The following SVIL variants were observed in gnomAD, a reference collection of about 807,000 sequenced individuals.
SVIL encodes supervillin, also known as archvillin.
A neutral mutation model predicts 240.4 loss-of-function variants in SVIL; 101 were observed. That is an observed-to-expected ratio of 0.42 (90% CI 0.36 to 0.50). SVIL has a LOEUF of 0.50. SVIL is among the 20% of genes least tolerant of loss of function. The pLI is 0.01. For missense variants in SVIL, 2,512 were observed against 2,818.7 expected, an observed-to-expected ratio of 0.89 and a Z score of 2.46; for synonymous variants, 999 against 1,100.0, an observed-to-expected ratio of 0.91 and a Z score of 1.82.
rs372403292 is a variant in SVIL, at chr10:29,486,075, C to T, written c.4779+10G>A. ...GTTTCTCACTGAAGGGCAGAGCCCA[C>T]GGACTGTACCTCTTTGGGTTGCAGA... On this transcript the variant is annotated intron_variant, in intron 26 of 37. Coordinates refer to ENST00000355867, the MANE Select transcript of SVIL (RefSeq NM_021738.3). 9.2e-5 allele frequency: 149 copies of T among 1,614,022 alleles called. 2 individuals carry two copies. Among genetic ancestry groups the T allele is most frequent in the South Asian group, 8.1e-4 (74 of 91,086 alleles).
At chr10:29,621,156 G>A (rs563839656) in intron 1 of SVIL, among the ~76,000 whole-genome samples, 21 of 152,140 alleles carry the variant, frequency 1.4e-4, no homozygotes, top group African/African-American at 5.1e-4. Flanking sequence ...GTAAGAATCA[G>A]GTAAATCTTG....
At position 29,490,865 on chromosome 10, in the gene SVIL, G is replaced by C; in HGVS notation, c.4174C>G (p.Arg1392Gly). 6 of 1,613,848 alleles carry C rather than the reference G, an allele frequency of 3.7e-6. No homozygotes were observed. The highest frequency in any genetic ancestry group is 5.1e-6 in the Non-Finnish European group (6 of 1,179,806). The stretch of plus-strand genomic sequence containing the variant: ...TACTCACTCTTTTCTACTTTCATCC[G>C]CTTTGACTCCATGAAGGCAACGTTT... ...RLNVAFMESK[R>G]MKVEKMSSNS... Residue 1392 changes from arginine to glycine, a missense_variant, in exon 22 of 38, where the codon CGG becomes GGG. By Grantham distance (125) the Arg-to-Gly change is moderately radical. This residue lies in a region of SVIL where 272 missense variants were observed against 406.8 expected (regional missense o/e 0.67). Transcript: ENST00000355867.
intron 1 of SVIL, among the ~76,000 whole-genome samples, chr10:29,628,625 C>T (rs142387079): frequency 8.9e-4 from 135 of 152,222 alleles, no homozygotes; most frequent in African/African-American, 3.1e-3. Context: ...CGCCCAGAAC[C>T]GAATTGTTCT....
rs138989957 is a variant in SVIL at position 29,723,752 on chromosome 10, C to A, written c.-400+11999G>T. On this transcript the variant is annotated intron_variant, in intron 1 of 35. Coordinates refer to the SVIL transcript ENST00000375400. ...ATGGAGGCAACTTTCCTTGTTTCTG[C>A]AACTCATGAACTCTCCCTAGTTGTC... 9.2e-3 allele frequency among the ~76,000 whole-genome samples: 1,406 copies of A among 152,190 alleles called. 17 individuals carry two copies. Among genetic ancestry groups the A allele is most frequent in the African/African-American group, 0.031 (1,268 of 41,508 alleles).
At chr10:29,534,171 C>T (rs1951577876) in intron 7 of SVIL, among the ~76,000 whole-genome samples, 1 of 152,162 alleles carries the variant, frequency 6.6e-6, no homozygotes, top group African/African-American at 2.4e-5. Context: ...CCACCACCAT[C>T]CCCCTGTCCT....
rs1946729161 is a variant in SVIL at position 29,480,634 on chromosome 10, C to T, written c.5280G>A (p.Leu1760=). The T allele has an allele frequency of 6.2e-7, 1 of 1,614,082 alleles. No homozygotes were observed. The highest frequency in any genetic ancestry group is 1.3e-5 in the African/African-American group (1 of 74,934). ...TSVSVDVWHI[L]EFDYSRLPKQ... is the part of the protein sequence containing the mutation. ...TGGGGAGCCTGCTATAGTCGAATTC[C>T]AGGATGTGCCAGACATCCACGGAAA... The change falls in exon 29 of 38, where the codon CTG becomes CTA. Residue 1760 remains leucine, a synonymous_variant. Coordinates refer to ENST00000355867, the MANE Select transcript of SVIL (RefSeq NM_021738.3).
intron 1 of SVIL, among the ~76,000 whole-genome samples, chr10:29,712,897 C>T (rs1288399644): frequency 6.6e-6 from 1 of 152,164 alleles, no homozygotes; most frequent in Non-Finnish European, 1.5e-5. Context: ...AATGGTAGGG[C>T]TGGGCACGGT....
chr10:29,585,703 C>T (rs1228440058), intron 1 of SVIL, among the ~76,000 whole-genome samples: 2 of 152,166 alleles, frequency 1.3e-5, no homozygotes, highest in African/African-American at 2.4e-5. Context: ...GCAGTAAGAG[C>T]GTCCCTGTTC....
chr10:29,513,152 T>C (rs544240556), intron 16 of SVIL, among the ~76,000 whole-genome samples: 52 of 152,346 alleles, frequency 3.4e-4, no homozygotes, highest in Non-Finnish European at 6.9e-4. Context: ...TCCTTGGCCT[T>C]GGGCTGAAAG....
chr10:29,630,215 G>C (rs914247567), intron 1 of SVIL, among the ~76,000 whole-genome samples: 2 of 152,140 alleles, frequency 1.3e-5, no homozygotes, highest in African/African-American at 4.8e-5. Context: ...CAGGGAAAGT[G>C]CCCCAAAAAT....
At position 29,463,400 on chromosome 10, in the gene SVIL, T is replaced by C. The variant is rs1422159584; in HGVS notation, c.6277+92A>G. On this transcript the variant is annotated intron_variant, in intron 35 of 37. Coordinates refer to ENST00000355867, the MANE Select transcript of SVIL (RefSeq NM_021738.3). ...CTTTATGGATGGATGCTGGCTGACATGCACAGAAGGGGAAGGGGGTCTCCT... is the reference window on the plus strand; with the variant it reads ...CTTTATGGATGGATGCTGGCTGACACGCACAGAAGGGGAAGGGGGTCTCCT... The C allele has an allele frequency of 2.7e-6, 4 of 1,456,702 alleles. No homozygotes were observed. In the Admixed American group the frequency reaches 7.3e-5, roughly 27 times the overall value. 90.2% of individuals were successfully genotyped at this position (1,456,702 alleles called of 1,614,324 possible). A position where few individuals can be genotyped will look rare whatever the true frequency, so the allele number is the denominator to read the frequency against.
rs749359165 is a variant in SVIL, at chr10:29,486,465, G to T, written c.4578C>A (p.His1526Gln). The change falls in exon 25 of 38, where the codon CAC (histidine) becomes CAA (glutamine). Residue 1526 changes from histidine to glutamine, a missense_variant. Transcript: ENST00000355867. ...TCCAGAAGTCTTTGGCTGCATGAGT[G>T]TGTGTATTAATTCCTTCTTCAATGG... is the stretch of plus-strand genomic sequence containing the variant. ...IQTIEEGINT[H>Q]THAAKDFWKL... 3.1e-6 allele frequency: 5 copies of T among 1,614,088 alleles called. No individual in the cohort carries two copies. The highest frequency in any genetic ancestry group is 3.3e-4 in the Middle Eastern group (2 of 6,084).
At chr10:29,602,185 A>G in intron 1 of SVIL, 1 of 490,576 alleles carries the variant, frequency 2.0e-6, no homozygotes, top group Non-Finnish European at 4.1e-6. Flanking sequence ...ACGACAAAAG[A>G]GTTCTGATCA....
chr10:29,473,969 C>T lies in SVIL; in HGVS notation c.5398G>A (p.Glu1800Lys). ...STAVGSRQKG[E>K]HSVRAAGKEK... ...TTGCCGGCTGCCCTCACCGAGTGCT[C>T]TCCCTTCTGGCGACTTCCCACTGCA... Residue 1800 changes from glutamate (E) to lysine (K), a missense_variant, in exon 30 of 38, where the codon GAG becomes AAG. Physicochemically the swap from Glu to Lys is moderately conservative, Grantham distance 56. Transcript: ENST00000355867. 6.2e-7 allele frequency: 1 copy of T among 1,613,834 alleles called. No homozygotes were observed. The highest frequency in any genetic ancestry group is 1.1e-5 in the South Asian group (1 of 91,072).
chr10:29,523,037 T>C (rs968423230), intron 15 of SVIL, among the ~76,000 whole-genome samples: 1 of 152,156 alleles, frequency 6.6e-6, no homozygotes, highest in Non-Finnish European at 1.5e-5. Context: ...CCACGCAGTG[T>C]AGCTTGCTAG....
At chr10:29,555,215 C>G (rs531691237) in intron 3 of SVIL, 107 bp from the exon 4 acceptor site, 1 of 1,132,998 alleles carries the variant, frequency 8.8e-7, no homozygotes, top group Non-Finnish European at 1.2e-6. Flanking sequence ...GTTCTTGATT[C>G]CTATGTCACA....
At chr10:29,581,138 T>C (rs532300564) in intron 1 of SVIL, among the ~76,000 whole-genome samples, 31 of 152,222 alleles carry the variant, frequency 2.0e-4, no homozygotes, top group Non-Finnish European at 3.5e-4. Context: ...AGAACATATT[T>C]TCATAGCCCA....
chr10:29,486,026 C>A (rs1947359194), intron 26 of SVIL, 59 bp downstream of exon 26: 1 of 1,604,052 alleles, frequency 6.2e-7, no homozygotes, highest in African/African-American at 1.3e-5. Context: ...TATTGGGCAG[C>A]CTGTGCTGAG....
intron 1 of SVIL, among the ~76,000 whole-genome samples, chr10:29,699,167 T>A (rs921130365): frequency 1.1e-4 from 16 of 152,174 alleles, no homozygotes; most frequent in African/African-American, 3.9e-4. Context: ...TCTTGCTCTG[T>A]TGCCCAGGCT....
Sources: gnomAD v4.1 joint callset for allele counts (sites outside exome capture counted in the v4.1 genomes callset) on GRCh38, gnomAD v4.1.1 for gene constraint, gnomAD v4.1.1 regional missense constraint, MANE v1.5 for transcripts, NCBI Gene and HGNC (gene_info 2026-07-23, HGNC 2026-07-21) for gene names.